ATP1B3: variants seen among roughly 807,000 people sequenced by gnomAD.
ATP1B3 encodes ATPase Na+/K+ transporting subunit beta 3.
ATP1B3 carries 10 observed loss-of-function variants against 30.2 expected under a neutral mutation model. The ratio of observed to expected loss-of-function variants is 0.33; its 90% CI spans 0.20 to 0.56. The LOEUF (loss-of-function observed/expected upper bound fraction) is 0.56, where lower values mean the gene tolerates loss of function less well. Ranked by LOEUF, ATP1B3 falls within the 20% of genes least tolerant of loss-of-function variation. ATP1B3 has a pLI of 0.90. For synonymous variants in ATP1B3, 113 were observed against 117.0 expected (o/e 0.97, Z 0.22); for missense variants, 238 against 336.7 (o/e 0.71, Z 2.29).
intron 5 of ATP1B3, among the ~76,000 whole-genome samples, chr3:141,920,433 A>T (rs1934545950): frequency 6.6e-6 from 1 of 152,106 alleles, no homozygotes; most frequent in Non-Finnish European, 1.5e-5. Flanking sequence ...AGGCTGAGAC[A>T]GGAGAATCGC....
At chr3:141,884,451 G>A (rs1442480733) in intron 1 of ATP1B3, among the ~76,000 whole-genome samples, 1 of 152,132 alleles carries the variant, frequency 6.6e-6, no homozygotes, top group East Asian at 1.9e-4. Flanking sequence ...TCTTCTAAGT[G>A]TTTGTGATGG....
chr3:141,925,498 G>A, intron 6 of ATP1B3, 33 bp from the exon 7 acceptor site: 1 of 1,565,376 alleles, frequency 6.4e-7, no homozygotes. Context: ...TTTCCATAGA[G>A]TTTGAATTAA....
At chr3:141,892,342 T>G (rs1014013025) in intron 1 of ATP1B3, among the ~76,000 whole-genome samples, 1 of 152,188 alleles carries the variant, frequency 6.6e-6, no homozygotes, top group Non-Finnish European at 1.5e-5. Flanking sequence ...CCAAGACCTA[T>G]TTTATTTTCC....
intron 3 of ATP1B3, 74 bp downstream of exon 3, chr3:141,907,348 G>T (rs958975631): frequency 1.7e-6 from 2 of 1,158,260 alleles, no homozygotes; most frequent in East Asian, 2.6e-5. Context: ...GGCCGGGCAC[G>T]GTAGCTCACG....
intron 1 of ATP1B3, among the ~76,000 whole-genome samples, chr3:141,879,696 A>G (rs1355981460): frequency 1.4e-5 from 2 of 147,244 alleles, no homozygotes; most frequent in East Asian, 2.0e-4. Context: ...GGAGAATTGC[A>G]TGAACCCAGG....
chr3:141,903,598 T>A (rs1471001457), intron 1 of ATP1B3, 22 bp from the exon 2 acceptor site: 2 of 1,612,432 alleles, frequency 1.2e-6, no homozygotes, highest in Non-Finnish European at 1.7e-6. Context: ...GCACATTTCA[T>A]AAGTTTTATT....
chr3:141,895,188 C>CTTTT (rs1176839559), intron 1 of ATP1B3, among the ~76,000 whole-genome samples: 1 of 121,434 alleles, frequency 8.2e-6, no homozygotes, highest in African/African-American at 3.1e-5. Context: ...TCTTTCTTTT[C>CTTTT]TTTTTTTTTT....
intron 1 of ATP1B3, among the ~76,000 whole-genome samples, chr3:141,899,819 A>G (rs1934129134): frequency 1.3e-5 from 2 of 152,156 alleles, no homozygotes; most frequent in South Asian, 4.1e-4. Context: ...TGGTGAGCTG[A>G]GATCACACCA....
intron 1 of ATP1B3, 129 bp downstream of exon 1, chr3:141,877,039 G>GGGC (rs1287040868): frequency 1.7e-6 from 1 of 598,346 alleles, no homozygotes; most frequent in Non-Finnish European, 2.5e-6. Flanking sequence ...ACCCTAACCC[G>GGGC]GGCGGCGGCG....
intron 1 of ATP1B3, among the ~76,000 whole-genome samples, chr3:141,884,553 C>T (rs1415080516): frequency 6.6e-6 from 1 of 152,190 alleles, no homozygotes; most frequent in Non-Finnish European, 1.5e-5. Context: ...AGGAGATTAA[C>T]ATTTAAGTCA....
intron 2 of ATP1B3, among the ~76,000 whole-genome samples, chr3:141,904,049 T>C (rs1022185331): frequency 2.0e-5 from 3 of 152,232 alleles, no homozygotes; most frequent in Admixed American, 6.5e-5. Context: ...CCTCCCAAAG[T>C]GCTGGGATTA....
rs34894586 is a variant in ATP1B3, at chr3:141,924,339, C to CAAA, written c.670-1177_670-1175dup. Among the ~76,000 whole-genome samples, 7 of 112,910 alleles carry CAAA rather than the reference C, an allele frequency of 6.2e-5. No individual in the cohort carries two copies. The East Asian group carries it at 1.6e-3, about 25-fold the overall frequency. 74.1% of individuals were successfully genotyped at this position (112,910 alleles called of 152,430 possible). ...AGCCTGGCAACAGAATGCAATGTCTCAAAAAAAAAAAAAAAAAGGCCAGGT... is the reference window on the plus strand; with the variant it reads ...AGCCTGGCAACAGAATGCAATGTCTCAAAAAAAAAAAAAAAAAAAAGGCCAGGT... On this transcript the variant is annotated intron_variant, in intron 6 of 6. Coordinates refer to ENST00000286371, the MANE Select transcript of ATP1B3 (RefSeq NM_001679.4).
chr3:141,916,812 G>A (rs936593193), intron 5 of ATP1B3, among the ~76,000 whole-genome samples: 6 of 152,044 alleles, frequency 3.9e-5, no homozygotes, highest in Non-Finnish European at 8.8e-5. Flanking sequence ...GTTGGGTTCC[G>A]TTCCCATAGT....
intron 1 of ATP1B3, among the ~76,000 whole-genome samples, chr3:141,890,880 T>G (rs1933939183): frequency 6.6e-6 from 1 of 152,246 alleles, no homozygotes; most frequent in African/African-American, 2.4e-5. Flanking sequence ...GTCTGTGTTA[T>G]GTTCTTACTG....
At chr3:141,913,942 AG>A in intron 4 of ATP1B3, 106 bp downstream of exon 4, 1 of 1,112,480 alleles carries the variant, frequency 9.0e-7, no homozygotes, top group Non-Finnish European at 1.3e-6. Context: ...CCTTATTAAA[AG>A]TTATCATTTG....
chr3:141,905,100 A>G (rs1934240232), intron 2 of ATP1B3, among the ~76,000 whole-genome samples: 1 of 152,144 alleles, frequency 6.6e-6, no homozygotes, highest in South Asian at 2.1e-4. Flanking sequence ...AGAAACAGTA[A>G]TGTGCAGAAC....
At chr3:141,917,017 A>ATT (rs63326663) in intron 5 of ATP1B3, among the ~76,000 whole-genome samples, 1 of 122,928 alleles carries the variant, frequency 8.1e-6, no homozygotes, top group East Asian at 2.3e-4. Flanking sequence ...CTCCCGGCTA[A>ATT]TTTTTTTTTT....
At chr3:141,903,846 A>C (rs1934213636) in intron 2 of ATP1B3, 98 bp downstream of exon 2, 8 of 1,409,544 alleles carry the variant, frequency 5.7e-6, no homozygotes, top group Non-Finnish European at 7.7e-6. Flanking sequence ...CAGTGGCATG[A>C]TCTTGGGTCA....
intron 1 of ATP1B3, among the ~76,000 whole-genome samples, chr3:141,888,202 ACTT>A (rs1451706018): frequency 1.3e-5 from 2 of 152,214 alleles, no homozygotes; most frequent in African/African-American, 4.8e-5. Flanking sequence ...GTTTCACTCA[ACTT>A]TTCTGTGCAT....
Sources: allele counts gnomAD v4.1 joint callset (sites outside exome capture counted in the v4.1 genomes callset), GRCh38; gene constraint gnomAD v4.1.1; transcripts MANE v1.5; gene names NCBI Gene and HGNC (gene_info 2026-07-23, HGNC 2026-07-21).